The following TRIM9 variants were observed in gnomAD, a reference collection of about 807,000 sequenced individuals.
The protein encoded by TRIM9 is E3 ubiquitin-protein ligase TRIM9.
Under a neutral mutation model 78.3 loss-of-function variants are expected in TRIM9, and 26 were observed. The observed-to-expected ratio is 0.33, with a 90% CI of 0.24 to 0.46. The LOEUF is 0.46. Ranked by LOEUF, TRIM9 falls within the 20% of genes least tolerant of loss-of-function variation. The pLI, the probability that TRIM9 is intolerant of heterozygous loss-of-function variation, is 1.00. For missense variants in TRIM9, 787 were observed against 1,036.4 expected (o/e 0.76, Z 3.30); for synonymous variants, 398 against 416.5 (o/e 0.96, Z 0.54).
chr14:51,019,971 G>A (rs760726037), intron 3 of TRIM9, among the ~76,000 whole-genome samples: 1 of 152,172 alleles, frequency 6.6e-6, no homozygotes, highest in Non-Finnish European at 1.5e-5. Flanking sequence ...TAAAGACTGC[G>A]TAAGTACACA....
At chr14:51,012,116 TA>T (rs1566576931) in intron 3 of TRIM9, among the ~76,000 whole-genome samples, 1 of 152,234 alleles carries the variant, frequency 6.6e-6, no homozygotes, top group Non-Finnish European at 1.5e-5. Flanking sequence ...TTCAAGTGTG[TA>T]ATTCCGTGGC....
intron 1 of TRIM9, among the ~76,000 whole-genome samples, chr14:51,077,163 C>T (rs2062854924): frequency 6.6e-6 from 1 of 152,154 alleles, no homozygotes; most frequent in African/African-American, 2.4e-5. Flanking sequence ...TGTCAAAATG[C>T]TTGTCATCCT....
intron 1 of TRIM9, among the ~76,000 whole-genome samples, chr14:51,049,706 A>G (rs1425751029): frequency 6.6e-6 from 1 of 151,756 alleles, no homozygotes; most frequent in African/African-American, 2.4e-5. Flanking sequence ...GGTGCCTGTA[A>G]TTCTAGCTAC....
intron 1 of TRIM9, among the ~76,000 whole-genome samples, chr14:51,082,974 GT>G (rs1303063659): frequency 6.6e-6 from 1 of 152,132 alleles, no homozygotes; most frequent in Non-Finnish European, 1.5e-5. Context: ...GGGTTTCTTG[GT>G]TTCTTAGTCT....
chr14:51,071,711 T>G (rs1596310120), intron 1 of TRIM9, among the ~76,000 whole-genome samples: 1 of 151,702 alleles, frequency 6.6e-6, no homozygotes, highest in Non-Finnish European at 1.5e-5. Flanking sequence ...GAGGCTGAGG[T>G]GGGAGGATTG....
chr14:51,061,863 T>C (rs1596294736), intron 1 of TRIM9, among the ~76,000 whole-genome samples: 1 of 152,208 alleles, frequency 6.6e-6, no homozygotes, highest in South Asian at 2.1e-4. Context: ...AGCCATCATA[T>C]CTTCAAATAT....
intron 1 of TRIM9, among the ~76,000 whole-genome samples, chr14:51,060,355 G>A (rs970106283): frequency 2.7e-4 from 41 of 151,948 alleles, no homozygotes; most frequent in Non-Finnish European, 1.2e-4. Context: ...CATTCTCTCC[G>A]TATGTCATAA....
At chr14:51,052,679 T>C (rs1465115149) in intron 1 of TRIM9, among the ~76,000 whole-genome samples, 1 of 152,246 alleles carries the variant, frequency 6.6e-6, no homozygotes, top group East Asian at 1.9e-4. Context: ...GTTTAGCTGC[T>C]GGCACCATGC....
At chr14:50,978,842 C>A in intron 12 of TRIM9, 1 of 932,386 alleles carries the variant, frequency 1.1e-6, no homozygotes, top group Non-Finnish European at 1.3e-6. Context: ...TAGATATTTG[C>A]TGAATGAATA....
At chr14:51,017,889 G>C (rs1035823516) in intron 3 of TRIM9, among the ~76,000 whole-genome samples, 1 of 152,156 alleles carries the variant, frequency 6.6e-6, no homozygotes, top group African/African-American at 2.4e-5. Flanking sequence ...TGGGTAGCCT[G>C]GGCACCCTAT....
chr14:50,986,842 C>A (rs1322482128), intron 7 of TRIM9, among the ~76,000 whole-genome samples: 1 of 152,180 alleles, frequency 6.6e-6, no homozygotes, highest in East Asian at 1.9e-4. Context: ...AGACTGTAGG[C>A]AGTGGTGAGG....
rs200954244 is a variant in TRIM9 at position 51,094,447 on chromosome 14, C to T, written c.493G>A (p.Ala165Thr). Residue 165 changes from alanine (A) to threonine (T), a missense_variant, in exon 1 of 13, where the codon GCC becomes ACC. Physicochemically the swap from Ala to Thr is moderately conservative, Grantham distance 58. Around this residue, in one of 3 missense-constraint regions of TRIM9, gnomAD observed 352 missense variants for 472.3 expected, o/e 0.75. Transcript: ENST00000684578. The stretch of plus-strand genomic sequence containing the variant: ...TTCTCGCAGAGCTGGCACTTGAGGG[C>T]CGCGGCTTTGCTCTGCTGGTAGCGG... Reference protein sequence around the residue: ...IDRYQQSKAAALKCQLCEKAP... With the variant: ...IDRYQQSKAATLKCQLCEKAP... 2 of 1,613,910 alleles carry T rather than the reference C, an allele frequency of 1.2e-6. No individual in the cohort carries two copies. Among genetic ancestry groups the T allele is most frequent in the African/African-American group, 2.7e-5 (2 of 75,068 alleles).
chr14:51,049,763 T>C (rs2060243832), intron 1 of TRIM9, among the ~76,000 whole-genome samples: 1 of 151,004 alleles, frequency 6.6e-6, no homozygotes, highest in South Asian at 2.1e-4. Context: ...AGGCAGAGGT[T>C]GCAGTGAGCC....
intron 7 of TRIM9, among the ~76,000 whole-genome samples, chr14:50,987,946 G>A (rs559354104): frequency 6.6e-6 from 1 of 152,184 alleles, no homozygotes; most frequent in South Asian, 2.1e-4. Context: ...GACTACAGGC[G>A]TGAGCCATCA....
chr14:51,001,336 TCTC>T (rs763928677), intron 5 of TRIM9, among the ~76,000 whole-genome samples: 23 of 151,622 alleles, frequency 1.5e-4, no homozygotes, highest in Non-Finnish European at 2.6e-4. Context: ...TTCACACCAT[TCTC>T]CTGCCTCAGC....
At chr14:51,090,419 A>G (rs1444991726) in intron 1 of TRIM9, among the ~76,000 whole-genome samples, 2 of 152,256 alleles carry the variant, frequency 1.3e-5, no homozygotes, top group Non-Finnish European at 2.9e-5. Context: ...ATTAACTGAC[A>G]GTTTATTTTA....
chr14:51,015,574 C>T (rs1366109524), intron 3 of TRIM9, among the ~76,000 whole-genome samples: 1 of 128,278 alleles, frequency 7.8e-6, no homozygotes, highest in Non-Finnish European at 1.6e-5. Flanking sequence ...AGTGTGGTGG[C>T]ACACTCACAG....
intron 1 of TRIM9, among the ~76,000 whole-genome samples, chr14:51,063,636 C>T (rs1300100817): frequency 7.9e-5 from 12 of 152,078 alleles, no homozygotes; most frequent in African/African-American, 2.6e-4. Context: ...CTATAAGTAA[C>T]AGCTGACTTC....
intron 1 of TRIM9, among the ~76,000 whole-genome samples, chr14:51,087,567 A>G (rs981541388): frequency 6.6e-6 from 1 of 152,156 alleles, no homozygotes; most frequent in African/African-American, 2.4e-5. Context: ...GCTGAATTAG[A>G]TATGCTGCTT....
Sources: gnomAD v4.1 joint callset for allele counts (sites outside exome capture counted in the v4.1 genomes callset) on GRCh38, gnomAD v4.1.1 for gene constraint, gnomAD v4.1.1 regional missense constraint, MANE v1.5 for transcripts, NCBI Gene and HGNC (gene_info 2026-07-23, HGNC 2026-07-21) for gene names.